Variants in CALCRL observed in about 807,000 individuals in gnomAD.
CALCRL encodes the protein calcitonin receptor like receptor, also known as calcitonin gene-related peptide type 1 receptor.
A neutral mutation model predicts 60.4 loss-of-function variants in CALCRL; 27 were observed. The ratio of observed to expected loss-of-function variants is 0.45; its 90% CI spans 0.33 to 0.62. The LOEUF is 0.62. CALCRL is among the 20% of genes least tolerant of loss of function. CALCRL has a pLI of 0.03. For synonymous variants in CALCRL, 190 were observed against 182.6 expected (o/e 1.04, Z -0.33); for missense variants, 424 against 540.7 (o/e 0.78, Z 2.14).
At chr2:187,353,124 G>A (rs1443747895) in intron 12 of CALCRL, among the ~76,000 whole-genome samples, 1 of 151,766 alleles carries the variant, frequency 6.6e-6, no homozygotes. Context: ...TCTTTCTCTC[G>A]CATAATACAA....
At chr2:187,395,413 C>T (rs1263744793) in intron 1 of CALCRL, among the ~76,000 whole-genome samples, 3 of 152,060 alleles carry the variant, frequency 2.0e-5, no homozygotes, top group African/African-American at 7.2e-5. Context: ...ATGTCATATT[C>T]GATTCTTTTA....
intron 5 of CALCRL, among the ~76,000 whole-genome samples, chr2:187,381,442 C>G (rs1687981596): frequency 1.3e-5 from 2 of 151,786 alleles, no homozygotes; most frequent in African/African-American, 4.8e-5. Flanking sequence ...TTGTAACAGT[C>G]TATAATTAAA....
At chr2:187,432,885 T>C (rs1420020790) in intron 1 of CALCRL, among the ~76,000 whole-genome samples, 1 of 152,080 alleles carries the variant, frequency 6.6e-6, no homozygotes, top group Non-Finnish European at 1.5e-5. Flanking sequence ...ACGAGTGTGT[T>C]ACAGTTGCCT....
At chr2:187,400,192 C>T (rs1688830164) in intron 1 of CALCRL, among the ~76,000 whole-genome samples, 1 of 151,066 alleles carries the variant, frequency 6.6e-6, no homozygotes, top group Non-Finnish European at 1.5e-5. Flanking sequence ...GAAATATCAC[C>T]CCATAAATAG....
At chr2:187,399,822 A>C (rs1262307506) in intron 1 of CALCRL, among the ~76,000 whole-genome samples, 2 of 151,476 alleles carry the variant, frequency 1.3e-5, no homozygotes, top group Non-Finnish European at 3.0e-5. Flanking sequence ...GAAGGACATT[A>C]TGTCATGTGA....
At chr2:187,431,348 T>G (rs1690396628) in intron 1 of CALCRL, 1 of 155,176 alleles carries the variant, frequency 6.4e-6, no homozygotes, top group African/African-American at 2.4e-5. Context: ...AAGTGGTTGG[T>G]GTATCATCGT....
chr2:187,401,007 T>A (rs1688864764), intron 1 of CALCRL, among the ~76,000 whole-genome samples: 1 of 151,610 alleles, frequency 6.6e-6, no homozygotes, highest in Admixed American at 6.6e-5. Context: ...TATTCTTTTT[T>A]CCTTTATATT....
At chr2:187,408,159 T>G (rs1349013247) in intron 1 of CALCRL, among the ~76,000 whole-genome samples, 2 of 152,032 alleles carry the variant, frequency 1.3e-5, no homozygotes, top group African/African-American at 4.8e-5. Flanking sequence ...ATAAATACAT[T>G]AAGTATTGAA....
intron 14 of CALCRL, among the ~76,000 whole-genome samples, chr2:187,347,313 A>G (rs1211297482): frequency 6.6e-6 from 1 of 151,742 alleles, no homozygotes; most frequent in Non-Finnish European, 1.5e-5. Context: ...GCCTGCTTTT[A>G]GGTTATGAAT....
At position 187,344,872 on chromosome 2, in the gene CALCRL, AGTT is replaced by A. The variant is rs1686215071; in HGVS notation, c.*1309_*1311del. ...GTAGCAGATTGGTATTTATCACAGTAGTTGTTTAAAATTTCTGGATTAGAATGT... is the reference window on the plus strand; with the variant it reads ...GTAGCAGATTGGTATTTATCACAGTAGTTTAAAATTTCTGGATTAGAATGT... On this transcript the variant is annotated 3_prime_UTR_variant, in exon 15 of 15. Transcript: ENST00000392370. 1 of 151,872 alleles carries A rather than the reference AGTT, an allele frequency of 6.6e-6. No individual in the cohort carries two copies. Among genetic ancestry groups the A allele is most frequent in the South Asian group, 2.1e-4 (1 of 4,834 alleles). 9.4% of individuals were successfully genotyped at this position (151,872 alleles called of 1,614,324 possible). A position where few individuals can be genotyped will look rare whatever the true frequency, so the allele number is the denominator to read the frequency against.
At chr2:187,426,239 A>ATT (rs200787283) in intron 1 of CALCRL, among the ~76,000 whole-genome samples, 3 of 127,428 alleles carry the variant, frequency 2.4e-5, no homozygotes, top group African/African-American at 5.4e-5. Context: ...TCTGTCATTT[A>ATT]TTATTTTTTT....
chr2:187,397,986 C>T (rs914087606), intron 1 of CALCRL, among the ~76,000 whole-genome samples: 1 of 151,690 alleles, frequency 6.6e-6, no homozygotes, highest in Non-Finnish European at 1.5e-5. Context: ...TCACTTTACA[C>T]TGTAATGTAC....
rs898893372 is a variant in CALCRL at position 187,343,227 on chromosome 2, T to C, written c.*2957A>G. 1 of 151,568 alleles carries C rather than the reference T, an allele frequency of 6.6e-6. No homozygotes were observed. The highest frequency in any genetic ancestry group is 2.4e-5 in the African/African-American group (1 of 41,414). 9.4% of individuals were successfully genotyped at this position (151,568 alleles called of 1,614,324 possible). On this transcript the variant is annotated 3_prime_UTR_variant, in exon 15 of 15. Transcript: ENST00000392370. ...TTGTTAATTTTGAGAAGTATCCCAT[T>C]GATTACTGTAAGAATTATGTTTATA...
intron 1 of CALCRL, among the ~76,000 whole-genome samples, chr2:187,404,905 G>T (rs1240817208): frequency 6.6e-6 from 1 of 151,696 alleles, no homozygotes; most frequent in East Asian, 1.9e-4. Context: ...GGAAAAAAAA[G>T]ATAGAGCAGT....
At chr2:187,395,756 C>T (rs1053080060) in intron 1 of CALCRL, among the ~76,000 whole-genome samples, 2 of 151,852 alleles carry the variant, frequency 1.3e-5, no homozygotes, top group African/African-American at 4.8e-5. Context: ...GAGGTTCTAG[C>T]GAGGGATGAT....
chr2:187,429,780 T>C (rs549400218), intron 1 of CALCRL, among the ~76,000 whole-genome samples: 3 of 152,340 alleles, frequency 2.0e-5, no homozygotes, highest in African/African-American at 7.2e-5. Context: ...ACAAGTTCTG[T>C]GAGACCAGGC....
At chr2:187,347,612 G>A (rs2105683229) in intron 14 of CALCRL, among the ~76,000 whole-genome samples, 1 of 151,108 alleles carries the variant, frequency 6.6e-6, no homozygotes, top group Non-Finnish European at 1.5e-5. Context: ...TTATTTCCTA[G>A]TCTAATGGAT....
At chr2:187,445,872 C>A (rs570771505) in intron 1 of CALCRL, among the ~76,000 whole-genome samples, 1 of 151,530 alleles carries the variant, frequency 6.6e-6, no homozygotes, top group East Asian at 1.9e-4. Context: ...CTTGCCCATT[C>A]ATTTAAAATA....
chr2:187,418,350 A>G (rs1473622947), intron 1 of CALCRL, among the ~76,000 whole-genome samples: 3 of 152,234 alleles, frequency 2.0e-5, no homozygotes, highest in Non-Finnish European at 4.4e-5. Context: ...AAAAGAATTG[A>G]GAATCATGTA....
Sources: gnomAD v4.1 joint callset for allele counts (sites outside exome capture counted in the v4.1 genomes callset) on GRCh38, gnomAD v4.1.1 for gene constraint, MANE v1.5 for transcripts, NCBI Gene and HGNC (gene_info 2026-07-23, HGNC 2026-07-21) for gene names.